PLEC: variants seen among roughly 807,000 people sequenced by gnomAD.
The protein encoded by PLEC is plectin.
PLEC carries 216 observed loss-of-function variants against 392.8 expected under a neutral mutation model. The ratio of observed to expected loss-of-function variants is 0.55; its 90% CI spans 0.49 to 0.62. The LOEUF (loss-of-function observed/expected upper bound fraction) is 0.62. Among genes scored for constraint, PLEC ranks in the 20% least tolerant of loss-of-function variants. The probability of loss-of-function intolerance (pLI) is 0.00; values close to 1 mark genes in which losing one functional copy is unlikely to be tolerated. For synonymous variants in PLEC, 3,621 were observed against 2,980.6 expected (o/e 1.21, Z -7.00); for missense variants, 6,863 against 6,563.4 (o/e 1.05, Z -1.58).
In PLEC at chr8:143,916,744, G is replaced by A. The variant is rs782380080; in HGVS notation, c.13077C>T (p.Phe4359=). ...INLAQKAFCG[F]EDPRTKTKMS... The stretch of plus-strand genomic sequence containing the variant: ...TCTTGGTCTTGGTGCGTGGGTCCTC[G>A]AAGCCGCAGAAGGCCTTCTGGGCCA... Residue 4359 remains phenylalanine (F), a synonymous_variant, in exon 32 of 32, where the codon TTC becomes TTT. Transcript: ENST00000345136. 5.0e-5 allele frequency: 80 copies of A among 1,613,046 alleles called. No homozygotes were observed. The highest frequency in any genetic ancestry group is 1.6e-4 in the Middle Eastern group (1 of 6,084).
chr8:143,928,980 C>T (rs1826189177), intron 25 of PLEC, 123 bp downstream of exon 25: 2 of 908,350 alleles, frequency 2.2e-6, no homozygotes, highest in Non-Finnish European at 3.4e-6. Context: ...CCTCCCGCCT[C>T]CTGGCCAGAT....
At position 143,921,598 on chromosome 8, in the gene PLEC, G is replaced by A; in HGVS notation, c.8223C>T (p.Asp2741=). The change falls in exon 32 of 32, where the codon GAC becomes GAT. Residue 2741 remains aspartate (D), a synonymous_variant. Coordinates refer to ENST00000345136, the MANE Select transcript of PLEC (RefSeq NM_201384.3). ...EAQAASGFLL[D]PVRNRRLTVN... is the part of the protein sequence containing the mutation. ...CGGTCAGCCGCCGGTTCCGCACAGGGTCCAGCAGGAAGCCTGAGGCCGCCT... is the reference window on the plus strand; with the variant it reads ...CGGTCAGCCGCCGGTTCCGCACAGGATCCAGCAGGAAGCCTGAGGCCGCCT... The A allele has an allele frequency of 6.2e-7, 1 of 1,612,896 alleles. No individual in the cohort carries two copies. Among genetic ancestry groups the A allele is most frequent in the Non-Finnish European group, 8.5e-7 (1 of 1,179,814 alleles).
At chr8:143,950,521 G>A (rs1554735603) in exon 1 of PLEC, 17 of 1,607,236 alleles carry the variant, frequency 1.1e-5, no homozygotes, top group Non-Finnish European at 1.4e-5. Context: ...CAAAGGTCTC[G>A]CGGACCAGGC....
At position 143,925,640 on chromosome 8, in the gene PLEC, T is replaced by C. The variant is rs1824841740; in HGVS notation, c.4289A>G (p.Glu1430Gly). The C allele has an allele frequency of 2.5e-6, 4 of 1,584,128 alleles. No individual in the cohort carries two copies. Among genetic ancestry groups the C allele is most frequent in the Non-Finnish European group, 3.4e-6 (4 of 1,172,590 alleles). Residue 1430 changes from glutamate to glycine, a missense_variant, in exon 31 of 32, where the codon GAG becomes GGG. Coordinates refer to ENST00000345136, the MANE Select transcript of PLEC (RefSeq NM_201384.3). ...CCGGGCCTTGGCCTGGATCTCCGCC[T>C]CCGAGCTCTGCCGCAGCTGCTGCAG... ...EELQQLRQSS[E>G]AEIQAKARQA... is the part of the protein sequence containing the mutation.
At chr8:143,958,502 A>T, upstream of PLEC, 1 of 334,174 alleles carries the variant, frequency 3.0e-6, no homozygotes, top group East Asian at 8.1e-5. This position sits in a 1 kb window ranked among gnomAD's most constrained non-coding sequence, Gnocchi z 4.9. Flanking sequence ...TATCTCTCAA[A>T]CCTGTCCTGT....
At position 143,929,531 on chromosome 8, in the gene PLEC, C is replaced by T; in HGVS notation, c.2964G>A (p.Glu988=). 1.2e-6 allele frequency: 2 copies of T among 1,612,658 alleles called. No individual in the cohort carries two copies. Among genetic ancestry groups the T allele is most frequent in the South Asian group, 2.2e-5 (2 of 91,090 alleles). Residue 988 remains glutamate (E), a synonymous_variant, in exon 24 of 32, where the codon GAG becomes GAA. Coordinates refer to ENST00000345136, the MANE Select transcript of PLEC (RefSeq NM_201384.3). ...CCAGCTGCAGCCGGATGTCTTTGAG[C>T]TCGGAGATGCAGCGCTGGCAGCGAG... ...EESRCQRCIS[E]LKDIRLQLEA...
chr8:143,938,809 G>T, intron 1 of PLEC, 117 bp from the exon 2 acceptor site: 1 of 865,086 alleles, frequency 1.2e-6, no homozygotes, highest in Non-Finnish European at 1.9e-6. Flanking sequence ...GAGCCCCAAA[G>T]CCTCCCTCAG....
chr8:143,938,092 GC>G, intron 3 of PLEC, 58 bp downstream of exon 3: 1 of 1,245,470 alleles, frequency 8.0e-7, no homozygotes, highest in Non-Finnish European at 1.2e-6. Context: ...AGGAGGGAAG[GC>G]AGGCAGAGGT....
chr8:143,935,730 TG>T, intron 6 of PLEC, 117 bp downstream of exon 6: 1 of 1,138,946 alleles, frequency 8.8e-7, no homozygotes. Context: ...GGCGGCCAGC[TG>T]GCACTCATCC....
At position 143,924,930 on chromosome 8, in the gene PLEC, CCTT is replaced by C. The variant is rs1564052078; in HGVS notation, c.4996_4998del (p.Lys1666del). On this transcript the variant is annotated inframe_deletion, in exon 31 of 32. Coordinates refer to ENST00000345136, the MANE Select transcript of PLEC (RefSeq NM_201384.3). ...CGCCGCGCCTCGCGCTCCGCCTCCT[CCTT>C]CTGCTTCTCAGCCTCGGCCTGCGCC... 10 of 1,584,724 alleles carry C rather than the reference CCTT, an allele frequency of 6.3e-6. No homozygotes were observed. Among genetic ancestry groups the C allele is most frequent in the Middle Eastern group, 1.7e-4 (1 of 6,036 alleles).
At chr8:143,964,005 G>T (rs551506715) in intron 1 of PLEC, among the ~76,000 whole-genome samples, 35 of 152,128 alleles carry the variant, frequency 2.3e-4, no homozygotes, top group African/African-American at 7.0e-4. Flanking sequence ...TAGAGACAAG[G>T]CTTCACCATG....
intron 1 of PLEC, among the ~76,000 whole-genome samples, chr8:143,963,809 ATTT>A (rs1190132489): frequency 8.3e-6 from 1 of 119,922 alleles, no homozygotes; most frequent in Admixed American, 9.0e-5. Context: ...CACCTGGCTA[ATTT>A]TTTTTTTTTT....
rs1554693843 is a variant in PLEC, at chr8:143,923,708, C to T, written c.6221G>A (p.Ser2074Asn). The T allele has an allele frequency of 6.5e-7, 1 of 1,545,232 alleles. No individual in the cohort carries two copies. Among genetic ancestry groups the T allele is most frequent in the Admixed American group, 1.9e-5 (1 of 52,612 alleles). The change falls in exon 31 of 32, where the codon AGC (serine) becomes AAC (asparagine). Residue 2074 changes from serine (S) to asparagine (N), a missense_variant. Coordinates refer to ENST00000345136, the MANE Select transcript of PLEC (RefSeq NM_201384.3). ...ELQQTLQQEQ[S>N]VLDQLRGEAE... Reference sequence around the variant, plus strand: ...CTCGCCGCGCAGCTGGTCCAGCACGCTCTGCTCCTGCTGCAGCGTCTGCTG... The same window carrying T: ...CTCGCCGCGCAGCTGGTCCAGCACGTTCTGCTCCTGCTGCAGCGTCTGCTG...
At position 143,939,530 on chromosome 8, in the gene PLEC, C is replaced by T. The variant is rs1464828943; in HGVS notation, c.-69G>A. 1 of 1,555,782 alleles carries T rather than the reference C, an allele frequency of 6.4e-7. No individual in the cohort carries two copies. The highest frequency in any genetic ancestry group is 8.7e-7 in the Non-Finnish European group (1 of 1,151,904). ...CGGTGCTCTGGGCAGCCCCGTGTGG[C>T]ACACAGGCAGCTGAAGGCTGGCGGC... On this transcript the variant is annotated 5_prime_UTR_variant, in exon 1 of 32. Coordinates refer to ENST00000345136, the MANE Select transcript of PLEC (RefSeq NM_201384.3).
chr8:143,923,635 C>T lies in PLEC; in HGVS notation c.6294G>A (p.Val2098=), dbSNP rs781911465. 6.3e-7 allele frequency: 1 copy of T among 1,584,528 alleles called. No homozygotes were observed. Residue 2098 remains valine, a synonymous_variant, in exon 31 of 32, where the codon GTG becomes GTA. Transcript: ENST00000345136. ...RAAEEAEEAR[V]QAEREAAQSR... ...ACTGCGCCGCCTCACGCTCCGCCTG[C>T]ACCCGGGCCTCCTCCGCCTCCTCAG...
Position 143,916,113 on chromosome 8 carries a change from G to A in PLEC, c.*64C>T, listed in dbSNP as rs1326491518. The A allele has an allele frequency of 1.6e-5, 20 of 1,269,836 alleles. No individual in the cohort carries two copies. Among genetic ancestry groups the A allele is most frequent in the Admixed American group, 5.7e-5 (2 of 34,786 alleles). The allele number at this position is 1,269,836 out of a possible 1,614,324, so 78.7% of individuals were successfully genotyped here. A position where few individuals can be genotyped will look rare whatever the true frequency, so the allele number is the denominator to read the frequency against. ...GAAGACACCTTTAAGCGTTGAAAAC[G>A]GCCCCCGCGCCTCGGTGGGAGCCGG... On this transcript the variant is annotated 3_prime_UTR_variant, in exon 32 of 32. Coordinates refer to ENST00000345136, the MANE Select transcript of PLEC (RefSeq NM_201384.3).
Position 143,939,575 on chromosome 8 carries a change from G to A in PLEC, c.-114C>T, listed in dbSNP as rs1304730951. 3.9e-6 allele frequency: 6 copies of A among 1,522,596 alleles called. No homozygotes were observed. The African/African-American group carries it at 4.1e-5, about 10-fold the overall frequency. 94.3% of individuals were successfully genotyped at this position (1,522,596 alleles called of 1,614,324 possible). A position where few individuals can be genotyped will look rare whatever the true frequency, so the allele number is the denominator to read the frequency against. ...GGCGGCCCCACGAGACGCTCACTCG[G>A]CACAGGCTCAGCTCAGAGCCCCAGT... On this transcript the variant is annotated 5_prime_UTR_variant, in exon 1 of 32. Coordinates refer to ENST00000345136, the MANE Select transcript of PLEC (RefSeq NM_201384.3).
intron 3 of PLEC, chr8:143,937,808 G>C (rs1554724735): frequency 1.9e-6 from 1 of 538,664 alleles, no homozygotes. Flanking sequence ...GCAGGGCAAA[G>C]GGTAAAGGGC....
Position 143,926,696 on chromosome 8 carries a change from G to A in PLEC, c.4044+88C>T. The A allele has an allele frequency of 4.6e-6, 5 of 1,093,290 alleles. No homozygotes were observed. In the South Asian group the frequency reaches 5.0e-5, roughly 11 times the overall value. The allele number at this position is 1,093,290 out of a possible 1,614,324, so 67.7% of individuals were successfully genotyped here. Reference sequence around the variant, plus strand: ...GAGAGTGGGGAGGGCCACGAGAGGTGGCCTCAGGCAGCTCCTGTGGCTGTG... The same window carrying A: ...GAGAGTGGGGAGGGCCACGAGAGGTAGCCTCAGGCAGCTCCTGTGGCTGTG... On this transcript the variant is annotated intron_variant, in intron 30 of 31. Transcript: ENST00000345136.
Sources: gnomAD v4.1 joint callset for allele counts (sites outside exome capture counted in the v4.1 genomes callset) on GRCh38, gnomAD v4.1.1 for gene constraint, Gnocchi (gnomAD v3.1) non-coding constraint, MANE v1.5 for transcripts, NCBI Gene and HGNC (gene_info 2026-07-23, HGNC 2026-07-21) for gene names.